Variants in MBNL1 observed in about 807,000 individuals in gnomAD.
The protein encoded by MBNL1 is muscleblind like splicing regulator 1, also known as muscleblind-like protein 1.
In MBNL1, 8 loss-of-function variants were observed where a neutral mutation model predicts 42.2. That is an observed-to-expected ratio of 0.19 (90% CI 0.11 to 0.34). The LOEUF (loss-of-function observed/expected upper bound fraction) is 0.34, where lower values mean the gene tolerates loss of function less well. Among genes scored for constraint, MBNL1 ranks in the 10% least tolerant of loss-of-function variants. MBNL1 has a pLI of 1.00. For synonymous variants in MBNL1, 169 were observed against 173.9 expected, an observed-to-expected ratio of 0.97 and a Z score of 0.22; for missense variants, 309 against 495.3, an observed-to-expected ratio of 0.62 and a Z score of 3.57.
At chr3:152,399,864 A>G (rs1479366439) in intron 2 of MBNL1, among the ~76,000 whole-genome samples, 1 of 152,040 alleles carries the variant, frequency 6.6e-6, no homozygotes, top group African/African-American at 2.4e-5. Context: ...TTCATTTTCC[A>G]TCTCTATTAT....
intron 1 of MBNL1, among the ~76,000 whole-genome samples, chr3:152,282,756 A>T (rs937468995): frequency 8.5e-5 from 13 of 152,164 alleles, no homozygotes; most frequent in African/African-American, 3.1e-4. Flanking sequence ...CCAATGTTAG[A>T]TTTACTATGC....
chr3:152,301,168 T>C (rs1238059411), intron 2 of MBNL1, among the ~76,000 whole-genome samples: 1 of 152,204 alleles, frequency 6.6e-6, no homozygotes, highest in African/African-American at 2.4e-5. Flanking sequence ...TACTTTAGTG[T>C]TTCTTGACAT....
chr3:152,265,809 C>T (rs1233254358), upstream of MBNL1: 11 of 152,114 alleles, frequency 7.2e-5, no homozygotes, highest in Admixed American at 7.2e-4. Context: ...TCTTTTTATA[C>T]TCATGGATAT....
At chr3:152,403,347 C>G (rs2098311178) in intron 2 of MBNL1, among the ~76,000 whole-genome samples, 1 of 152,148 alleles carries the variant, frequency 6.6e-6, no homozygotes, top group South Asian at 2.1e-4. Flanking sequence ...TGACTAAGCT[C>G]TTTCAAGTAT....
rs1485517298 is a variant in MBNL1 at position 152,445,132 on chromosome 3, A to G, written c.550-150A>G. Reference sequence around the variant, plus strand: ...TTATAATTTGTAACTAAACTAGGAAATGCTGAAGTTACTTGTTGCCTTGTT... The same window carrying G: ...TTATAATTTGTAACTAAACTAGGAAGTGCTGAAGTTACTTGTTGCCTTGTT... On this transcript the variant is annotated intron_variant, in intron 4 of 9. Coordinates refer to ENST00000324210, the MANE Select transcript of MBNL1 (RefSeq NM_021038.5). The G allele has an allele frequency of 1.8e-5, 11 of 599,200 alleles. No homozygotes were observed. In the Admixed American group the frequency reaches 2.4e-4, roughly 13 times the overall value. 37.1% of individuals were successfully genotyped at this position (599,200 alleles called of 1,614,324 possible).
intron 2 of MBNL1, among the ~76,000 whole-genome samples, chr3:152,369,972 C>T (rs753083800): frequency 8.5e-5 from 13 of 152,078 alleles, no homozygotes; most frequent in African/African-American, 2.4e-4. Context: ...CTCCTGGATT[C>T]GTTGATTGTT....
Position 152,432,923 on chromosome 3 carries a change from A to G in MBNL1, c.549+3A>G. On this transcript the variant is annotated splice_donor_region_variant and intron_variant, in intron 4 of 9. Transcript: ENST00000324210. ...TAATGCGAACAGACAGACTTGAGGT[A>G]GGAATGACTAGTTGGTGTCTTTATA... 2 of 1,608,554 alleles carry G rather than the reference A, an allele frequency of 1.2e-6. No homozygotes were observed. The highest frequency in any genetic ancestry group is 1.7e-6 in the Non-Finnish European group (2 of 1,175,176).
chr3:152,284,751 G>A (rs1337994349), intron 1 of MBNL1, among the ~76,000 whole-genome samples: 3 of 151,882 alleles, frequency 2.0e-5, no homozygotes, highest in Admixed American at 2.0e-4. Context: ...CTTTTAAAGC[G>A]GCATTGCATT....
intron 2 of MBNL1, among the ~76,000 whole-genome samples, chr3:152,315,771 G>A (rs2070574586): frequency 6.6e-6 from 1 of 152,038 alleles, no homozygotes; most frequent in Non-Finnish European, 1.5e-5. Context: ...CAGCTCCAAA[G>A]TAGGAGCCAA....
chr3:152,320,906 G>GA (rs957719440), intron 2 of MBNL1, among the ~76,000 whole-genome samples: 1 of 151,694 alleles, frequency 6.6e-6, no homozygotes, highest in Non-Finnish European at 1.5e-5. Context: ...TCTAATTTTA[G>GA]AAAAAAAGTT....
intron 2 of MBNL1, among the ~76,000 whole-genome samples, chr3:152,376,783 C>T (rs1346907670): frequency 6.6e-6 from 1 of 151,992 alleles, no homozygotes; most frequent in Non-Finnish European, 1.5e-5. Context: ...TATATATATA[C>T]GCACACACAC....
chr3:152,431,979 T>C (rs868232585), intron 3 of MBNL1, among the ~76,000 whole-genome samples: 1 of 152,262 alleles, frequency 6.6e-6, no homozygotes, highest in African/African-American at 2.4e-5. Context: ...TATTCAGTGC[T>C]GCCATATGTA....
At chr3:152,250,857 T>G (rs1367496610) in intron 2 of MBNL1, among the ~76,000 whole-genome samples, 8 of 152,120 alleles carry the variant, frequency 5.3e-5, no homozygotes, top group Admixed American at 2.6e-4. Context: ...CAAAGGCCTT[T>G]TCTGCATCTG....
intron 2 of MBNL1, chr3:152,338,288 C>T (rs748467346): frequency 1.0e-6 from 1 of 985,418 alleles, no homozygotes; most frequent in Non-Finnish European, 1.2e-6. Flanking sequence ...TGTTCCTCTT[C>T]TCCCAGGGTG....
intron 1 of MBNL1, among the ~76,000 whole-genome samples, chr3:152,270,840 G>T (rs1415137326): frequency 6.6e-6 from 1 of 151,978 alleles, no homozygotes; most frequent in Non-Finnish European, 1.5e-5. Flanking sequence ...GAAAATGTAG[G>T]CATAGCTTTT....
intron 2 of MBNL1, among the ~76,000 whole-genome samples, chr3:152,253,391 T>G (rs112090368): frequency 6.6e-6 from 1 of 152,132 alleles, no homozygotes; most frequent in Non-Finnish European, 1.5e-5. Flanking sequence ...GTTTCACATC[T>G]TGAGCAAAGT....
At chr3:152,461,021 A>G (rs867001442) in intron 9 of MBNL1, among the ~76,000 whole-genome samples, 2 of 152,208 alleles carry the variant, frequency 1.3e-5, no homozygotes, top group Non-Finnish European at 2.9e-5. Context: ...ATCCGTAAAC[A>G]AATGAATGTG....
At chr3:152,386,719 A>G (rs1376910423) in intron 2 of MBNL1, among the ~76,000 whole-genome samples, 1 of 152,112 alleles carries the variant, frequency 6.6e-6, no homozygotes, top group Non-Finnish European at 1.5e-5. Context: ...AACTTGGGTT[A>G]TTTCACACAA....
intron 2 of MBNL1, among the ~76,000 whole-genome samples, chr3:152,365,645 A>C (rs1339889789): frequency 2.0e-5 from 3 of 152,116 alleles, no homozygotes; most frequent in African/African-American, 7.2e-5. Flanking sequence ...CCCTTGCTTA[A>C]TTTTACCTGG....
Sources: gnomAD v4.1 joint callset for allele counts (sites outside exome capture counted in the v4.1 genomes callset) on GRCh38, gnomAD v4.1.1 for gene constraint, MANE v1.5 for transcripts, NCBI Gene and HGNC (gene_info 2026-07-23, HGNC 2026-07-21) for gene names.